TSC22D2: variants seen among roughly 807,000 people sequenced by gnomAD.
TSC22D2 encodes the protein TSC22 domain family protein 2.
TSC22D2 carries 5 observed loss-of-function variants against 50.1 expected under a neutral mutation model. The observed-to-expected ratio is 0.10, with a 90% CI of 0.05 to 0.21. The LOEUF (loss-of-function observed/expected upper bound fraction) is 0.21, where lower values mean the gene tolerates loss of function less well. Ranked by LOEUF, TSC22D2 falls within the 10% of genes least tolerant of loss-of-function variation. The pLI is 1.00. For synonymous variants in TSC22D2, 501 were observed against 450.1 expected, an observed-to-expected ratio of 1.11 and a Z score of -1.43; for missense variants, 1,003 against 1,015.5, an observed-to-expected ratio of 0.99 and a Z score of 0.17.
In TSC22D2 at chr3:150,462,196, G is replaced by C. The variant is rs926917683; in HGVS notation, c.*3560G>C. The stretch of plus-strand genomic sequence containing the variant: ...GTCTTGAAGGTCATAAGAGCCAGAG[G>C]GAAGGGTGTTCCAAGCACAAGAAAA... On this transcript the variant is annotated 3_prime_UTR_variant, in exon 3 of 3. Coordinates refer to ENST00000688009, the MANE Select transcript of TSC22D2 (RefSeq NM_001303264.2). 7 of 152,114 alleles carry C rather than the reference G, an allele frequency of 4.6e-5. No individual in the cohort carries two copies. The highest frequency in any genetic ancestry group is 8.8e-5 in the Non-Finnish European group (6 of 68,044). 9.4% of individuals were successfully genotyped at this position (152,114 alleles called of 1,614,324 possible).
At position 150,411,231 on chromosome 3, in the gene TSC22D2, C is replaced by T. The variant is rs1233965612; in HGVS notation, c.1881C>T (p.Pro627=). The change falls in exon 1 of 3, where the codon CCC becomes CCT. Residue 627 remains proline, a synonymous_variant. Coordinates refer to ENST00000688009, the MANE Select transcript of TSC22D2 (RefSeq NM_001303264.2). ...KPPVADSLAN[P]LQLTPMNSLA... ...CTGTTGCAGATTCCCTGGCAAACCC[C>T]CTTCAGTTAACACCTATGAACAGTC... is the stretch of plus-strand genomic sequence containing the variant. 9 of 1,614,080 alleles carry T rather than the reference C, an allele frequency of 5.6e-6. No individual in the cohort carries two copies. The highest frequency in any genetic ancestry group is 7.6e-6 in the Non-Finnish European group (9 of 1,180,048).
chr3:150,408,561 G>A lies in TSC22D2; in HGVS notation c.-790G>A, dbSNP rs1032108461. ...CTCTCTGAGAGAAGCCGCGAGGGGA[G>A]GCCGAGACCGCCGTCGCCGCCCGCC... is the stretch of plus-strand genomic sequence containing the variant. On this transcript the variant is annotated 5_prime_UTR_variant, in exon 1 of 3. Transcript: ENST00000688009. 2 of 152,472 alleles carry A rather than the reference G, an allele frequency of 1.3e-5. No individual in the cohort carries two copies. The highest frequency in any genetic ancestry group is 4.8e-5 in the African/African-American group (2 of 41,504). 9.4% of individuals were successfully genotyped at this position (152,472 alleles called of 1,614,324 possible).
intron 1 of TSC22D2, among the ~76,000 whole-genome samples, chr3:150,430,142 A>T (rs1157354305): frequency 6.6e-6 from 1 of 152,096 alleles, no homozygotes; most frequent in African/African-American, 2.4e-5. Flanking sequence ...AGCTGGAGGG[A>T]TTGGTCAAAG....
At chr3:150,422,965 TA>T in intron 1 of TSC22D2, 1 of 1,029,374 alleles carries the variant, frequency 9.7e-7, no homozygotes, top group Non-Finnish European at 1.4e-6. Context: ...ATTAGAAATC[TA>T]AAATCTTCCA....
At chr3:150,447,750 C>T (rs1720930026) in intron 1 of TSC22D2, among the ~76,000 whole-genome samples, 1 of 152,184 alleles carries the variant, frequency 6.6e-6, no homozygotes, top group Non-Finnish European at 1.5e-5. Flanking sequence ...ATTCTGTATG[C>T]TTCAATTGAA....
chr3:150,410,519 C>T lies in TSC22D2; in HGVS notation c.1169C>T (p.Pro390Leu). ...YLQQHVAGLQ[P>L]PSPAQPSSTG... is the part of the protein sequence containing the mutation. ...CAGCAGCACGTGGCCGGCCTGCAGC[C>T]GCCAAGCCCCGCGCAGCCCTCGTCC... The change falls in exon 1 of 3, where the codon CCG (proline) becomes CTG (leucine). Residue 390 changes from proline to leucine, a missense_variant. Pro to Leu is a moderately conservative substitution (Grantham distance 98, BLOSUM62 -3). This residue lies in a region of TSC22D2 where 696 missense variants were observed against 647.8 expected (regional missense o/e 1.07). Coordinates refer to ENST00000688009, the MANE Select transcript of TSC22D2 (RefSeq NM_001303264.2). 1.3e-6 allele frequency: 2 copies of T among 1,581,418 alleles called. No homozygotes were observed. The highest frequency in any genetic ancestry group is 1.1e-5 in the South Asian group (1 of 87,310).
rs949020544 is a variant in TSC22D2, at chr3:150,458,832, A to G, written c.*196A>G. On this transcript the variant is annotated 3_prime_UTR_variant, in exon 3 of 3. Transcript: ENST00000688009. Reference sequence around the variant, plus strand: ...TGCAGCGCTGTTGATGTCCAGTTCTATGTCATCAGTACACAAGGAGAATAA... The same window carrying G: ...TGCAGCGCTGTTGATGTCCAGTTCTGTGTCATCAGTACACAAGGAGAATAA... 1 of 645,848 alleles carries G rather than the reference A, an allele frequency of 1.5e-6. No individual in the cohort carries two copies. Among genetic ancestry groups the G allele is most frequent in the African/African-American group, 1.8e-5 (1 of 54,570 alleles). 40.0% of individuals were successfully genotyped at this position (645,848 alleles called of 1,614,324 possible).
At chr3:150,411,354 A>G (rs779342418) in intron 1 of TSC22D2, 46 bp downstream of exon 1, 1 of 1,536,292 alleles carries the variant, frequency 6.5e-7, no homozygotes, top group Non-Finnish European at 8.8e-7. Flanking sequence ...TGCTTGGCCA[A>G]CATTGTAGCT....
At chr3:150,456,892 A>G (rs1175952511) in intron 1 of TSC22D2, 184 bp from the exon 2 acceptor site, 7 of 587,844 alleles carry the variant, frequency 1.2e-5, no homozygotes, top group African/African-American at 5.7e-5. Context: ...GAAATCATCT[A>G]TTTACTGAGA....
intron 1 of TSC22D2, among the ~76,000 whole-genome samples, chr3:150,430,930 A>C (rs573548888): frequency 1.6e-4 from 24 of 152,240 alleles, no homozygotes; most frequent in African/African-American, 4.8e-4. Context: ...TTTACAGAAA[A>C]ATTACAAGAA....
At chr3:150,422,378 C>G (rs1410757114) in intron 1 of TSC22D2, among the ~76,000 whole-genome samples, 1 of 152,108 alleles carries the variant, frequency 6.6e-6, no homozygotes, top group East Asian at 1.9e-4. Flanking sequence ...GGTGAAAGCC[C>G]TAGGGAATGG....
In TSC22D2 at chr3:150,410,066, A is replaced by C; in HGVS notation, c.716A>C (p.Glu239Ala). The C allele has an allele frequency of 6.2e-7, 1 of 1,613,040 alleles. No individual in the cohort carries two copies. The highest frequency in any genetic ancestry group is 2.2e-5 in the East Asian group (1 of 44,864). Residue 239 changes from glutamate (E) to alanine (A), a missense_variant, in exon 1 of 3, where the codon GAG becomes GCG. This residue lies in a region of TSC22D2 where 696 missense variants were observed against 647.8 expected (regional missense o/e 1.07). Coordinates refer to ENST00000688009, the MANE Select transcript of TSC22D2 (RefSeq NM_001303264.2). ...TCCATGCAGGGGGCGCACGGGCCCG[A>C]GTCGGGAACTGACAGCTCCTTGACT... ...VASMQGAHGP[E>A]SGTDSSLTAV...
intron 1 of TSC22D2, among the ~76,000 whole-genome samples, chr3:150,422,069 G>T (rs1407990539): frequency 1.3e-5 from 2 of 152,218 alleles, no homozygotes; most frequent in African/African-American, 4.8e-5. Flanking sequence ...TCTTAGGGCT[G>T]TTGTCAGAAT....
intron 1 of TSC22D2, among the ~76,000 whole-genome samples, chr3:150,416,905 ATTAGTAT>A (rs1440634066): frequency 2.0e-5 from 3 of 152,144 alleles, no homozygotes; most frequent in Non-Finnish European, 4.4e-5. Flanking sequence ...GACTTAAATA[ATTAGTAT>A]TTAGTATTTA....
At chr3:150,417,882 A>G (rs923092602) in intron 1 of TSC22D2, among the ~76,000 whole-genome samples, 3 of 152,104 alleles carry the variant, frequency 2.0e-5, no homozygotes, top group Non-Finnish European at 4.4e-5. Flanking sequence ...TGTAAGAAGT[A>G]TAGGGAATTG....
intron 1 of TSC22D2, among the ~76,000 whole-genome samples, chr3:150,435,193 G>A (rs981230718): frequency 1.7e-4 from 26 of 152,172 alleles, no homozygotes; most frequent in Admixed American, 1.3e-3. Flanking sequence ...TGGTCAGGCT[G>A]TTCTTGAACT....
intron 1 of TSC22D2, among the ~76,000 whole-genome samples, chr3:150,436,109 TAAC>T (rs1720533782): frequency 1.3e-5 from 2 of 152,296 alleles, no homozygotes; most frequent in South Asian, 4.1e-4. Flanking sequence ...CTGTACTTGG[TAAC>T]AACTAATTTT....
chr3:150,436,400 C>T, intron 1 of TSC22D2, among the ~76,000 whole-genome samples: 1 of 151,970 alleles, frequency 6.6e-6, no homozygotes, highest in Non-Finnish European at 1.5e-5. Context: ...GTCAAGCAGT[C>T]GGCCCTTTAA....
rs1361167590 is a variant in TSC22D2, at chr3:150,414,538, G to C, written c.1958+3230G>C. ...TGTCATCTGTGGCCAAAAGACTGTT[G>C]AAAACCTGATTCTAAGGATCCTTTG... On this transcript the variant is annotated intron_variant, in intron 1 of 2. Transcript: ENST00000688009. 2.6e-5 allele frequency among the ~76,000 whole-genome samples: 4 copies of C among 152,278 alleles called. No individual in the cohort carries two copies. In the East Asian group the frequency reaches 7.7e-4, roughly 29 times the overall value.
Sources: gnomAD v4.1 joint callset for allele counts (sites outside exome capture counted in the v4.1 genomes callset) on GRCh38, gnomAD v4.1.1 for gene constraint, gnomAD v4.1.1 regional missense constraint, MANE v1.5 for transcripts, NCBI Gene and HGNC (gene_info 2026-07-23, HGNC 2026-07-21) for gene names.